The following LRRC4C variants were observed in gnomAD, a reference collection of about 807,000 sequenced individuals.
The protein encoded by LRRC4C is leucine rich repeat containing 4C, also known as leucine-rich repeat-containing protein 4C.
Under a neutral mutation model 33.6 loss-of-function variants are expected in LRRC4C, and 5 were observed. That is an observed-to-expected ratio of 0.15 (90% CI 0.08 to 0.31). The LOEUF is 0.31. LRRC4C is among the 10% of genes least tolerant of loss of function. The pLI is 1.00. For missense variants in LRRC4C, 560 were observed against 796.7 expected, an observed-to-expected ratio of 0.70 and a Z score of 3.58; for synonymous variants, 329 against 302.0, an observed-to-expected ratio of 1.09 and a Z score of -0.93.
intron 3 of LRRC4C, among the ~76,000 whole-genome samples, chr11:40,529,109 A>G (rs1012495443): frequency 1.2e-4 from 18 of 152,162 alleles, no homozygotes; most frequent in Non-Finnish European, 2.2e-4. Flanking sequence ...GTTGACTGTC[A>G]GCACTATAGT....
intron 1 of LRRC4C, among the ~76,000 whole-genome samples, chr11:41,086,577 T>G (rs1285134822): frequency 2.0e-5 from 3 of 152,142 alleles, no homozygotes; most frequent in Non-Finnish European, 1.5e-5. Context: ...TCTAAAATAT[T>G]CAGTTCAAAT....
intron 3 of LRRC4C, among the ~76,000 whole-genome samples, chr11:40,499,499 G>T (rs1954636814): frequency 6.6e-6 from 1 of 152,088 alleles, no homozygotes; most frequent in East Asian, 1.9e-4. Flanking sequence ...TCAACCAGTA[G>T]GAAAGAAGCC....
chr11:41,157,484 A>G (rs1284259987), intron 1 of LRRC4C, among the ~76,000 whole-genome samples: 1 of 152,180 alleles, frequency 6.6e-6, no homozygotes, highest in Non-Finnish European at 1.5e-5. Context: ...CTAAGTATCT[A>G]TATCTAATTA....
intron 1 of LRRC4C, among the ~76,000 whole-genome samples, chr11:41,275,405 A>C (rs1949452438): frequency 6.6e-6 from 1 of 152,116 alleles, no homozygotes; most frequent in Admixed American, 6.6e-5. Flanking sequence ...TATTCAAACA[A>C]AAAGCAAAAA....
intron 1 of LRRC4C, among the ~76,000 whole-genome samples, chr11:41,329,707 G>A (rs992285920): frequency 2.0e-5 from 3 of 152,134 alleles, no homozygotes; most frequent in Non-Finnish European, 4.4e-5. Flanking sequence ...TCCACTTAAA[G>A]TTCTCAAAGG....
chr11:41,354,747 C>T (rs915926526), intron 1 of LRRC4C, among the ~76,000 whole-genome samples: 9 of 151,956 alleles, frequency 5.9e-5, no homozygotes, highest in Admixed American at 3.9e-4. Flanking sequence ...CAATAATAAG[C>T]AATGGGGAAA....
chr11:41,338,557 G>T (rs942918884), intron 1 of LRRC4C, among the ~76,000 whole-genome samples: 1 of 152,030 alleles, frequency 6.6e-6, no homozygotes, highest in Non-Finnish European at 1.5e-5. Flanking sequence ...GTGGTGAGGA[G>T]GGAGAGCATC....
At chr11:41,385,356 C>T (rs1953318839) in intron 1 of LRRC4C, among the ~76,000 whole-genome samples, 1 of 151,550 alleles carries the variant, frequency 6.6e-6, no homozygotes, top group Admixed American at 6.6e-5. Context: ...TGCCAACCTA[C>T]TGGGCCACAA....
chr11:40,508,668 G>A (rs1955157241), intron 3 of LRRC4C, among the ~76,000 whole-genome samples: 1 of 152,070 alleles, frequency 6.6e-6, no homozygotes, highest in South Asian at 2.1e-4. Context: ...TTGAAACTGG[G>A]AGTTCAATGT....
intron 5 of LRRC4C, among the ~76,000 whole-genome samples, chr11:40,200,702 G>A (rs1278930460): frequency 7.1e-6 from 1 of 141,496 alleles, no homozygotes; most frequent in Non-Finnish European, 1.5e-5. Flanking sequence ...GGAGGTGGGG[G>A]TTGCCGTGAG....
intron 2 of LRRC4C, among the ~76,000 whole-genome samples, chr11:40,793,685 AAG>A (rs1055943194): frequency 4.6e-5 from 7 of 152,212 alleles, no homozygotes; most frequent in Admixed American, 2.0e-4. Flanking sequence ...ACAGTCTGGA[AAG>A]AGAGTCCATA....
intron 3 of LRRC4C, among the ~76,000 whole-genome samples, chr11:40,418,222 G>A (rs1231970327): frequency 6.6e-6 from 1 of 151,918 alleles, no homozygotes; most frequent in Non-Finnish European, 1.5e-5. Context: ...GAAAGACAAA[G>A]GTCTAATATC....
intron 1 of LRRC4C, among the ~76,000 whole-genome samples, chr11:41,393,641 C>G (rs527692760): frequency 1.5e-3 from 221 of 152,026 alleles, no homozygotes; most frequent in African/African-American, 5.1e-3. Flanking sequence ...ATTACAGTTT[C>G]TGTATACCTT....
intron 3 of LRRC4C, among the ~76,000 whole-genome samples, chr11:40,500,087 G>A (rs902180487): frequency 6.6e-6 from 1 of 151,848 alleles, no homozygotes. Flanking sequence ...AGTGTTCAGT[G>A]GTGCATACAG....
chr11:41,087,924 T>C (rs1940125334), intron 1 of LRRC4C, among the ~76,000 whole-genome samples: 1 of 152,190 alleles, frequency 6.6e-6, no homozygotes, highest in Non-Finnish European at 1.5e-5. Flanking sequence ...GCATTTTATC[T>C]CTTGTTCATA....
intron 3 of LRRC4C, among the ~76,000 whole-genome samples, chr11:40,644,810 G>A (rs950554865): frequency 5.3e-5 from 8 of 152,084 alleles, no homozygotes; most frequent in Non-Finnish European, 8.8e-5. Flanking sequence ...GCAACAGGAG[G>A]GTCCCTTGTG....
intron 1 of LRRC4C, among the ~76,000 whole-genome samples, chr11:41,086,963 C>T (rs1940042445): frequency 2.0e-5 from 3 of 150,670 alleles, no homozygotes. Flanking sequence ...ATTTTTAAGT[C>T]AGGAATATTG....
At position 41,082,633 on chromosome 11, in the gene LRRC4C, GAACT is replaced by G. The variant is rs144823799; in HGVS notation, c.-495-148914_-495-148911del. On this transcript the variant is annotated intron_variant, in intron 1 of 6. Coordinates refer to ENST00000528697, the MANE Select transcript of LRRC4C (RefSeq NM_001258419.2). ...ATTAAATAATTTGTCCAAGGTCACA[GAACT>G]AACAAGGGCACAGCCAGCAATTTAC... 2.0e-5 allele frequency among the ~76,000 whole-genome samples: 3 copies of G among 152,246 alleles called. No individual in the cohort carries two copies. In the East Asian group the frequency reaches 5.8e-4, roughly 29 times the overall value.
At chr11:40,854,062 GA>G (rs1333060960) in intron 2 of LRRC4C, among the ~76,000 whole-genome samples, 1 of 152,050 alleles carries the variant, frequency 6.6e-6, no homozygotes, top group East Asian at 1.9e-4. Flanking sequence ...AGGCGTCACA[GA>G]AAAAAAGAAT....
Sources: allele counts gnomAD v4.1 joint callset (sites outside exome capture counted in the v4.1 genomes callset), GRCh38; gene constraint gnomAD v4.1.1; transcripts MANE v1.5; gene names NCBI Gene and HGNC (gene_info 2026-07-23, HGNC 2026-07-21).